Variants in LYPD6 observed in about 807,000 individuals in gnomAD.
LYPD6 encodes ly6/PLAUR domain-containing protein 6.
LYPD6 carries 15 observed loss-of-function variants against 22.7 expected under a neutral mutation model. The observed-to-expected ratio is 0.66, with a 90% CI of 0.44 to 1.02. LYPD6 has a LOEUF of 1.02. LYPD6 is among the 50% of genes least tolerant of loss of function. The probability of loss-of-function intolerance (pLI) is 0.00; values close to 1 mark genes in which losing one functional copy is unlikely to be tolerated. For synonymous variants in LYPD6, 72 were observed against 77.5 expected, an observed-to-expected ratio of 0.93 and a Z score of 0.37; for missense variants, 189 against 208.4, an observed-to-expected ratio of 0.91 and a Z score of 0.57.
intron 1 of LYPD6, among the ~76,000 whole-genome samples, chr2:149,347,861 C>T (rs1372352014): frequency 3.3e-5 from 5 of 151,982 alleles, no homozygotes; most frequent in Admixed American, 6.6e-5. Context: ...TTTGCCAATG[C>T]AAGCATAGCA....
intron 1 of LYPD6, among the ~76,000 whole-genome samples, chr2:149,421,020 T>A (rs901159009): frequency 6.6e-6 from 1 of 152,190 alleles, no homozygotes; most frequent in Non-Finnish European, 1.5e-5. Flanking sequence ...AGAGCCATCA[T>A]GAGGAGTTTT....
chr2:149,356,707 A>G (rs7564977), intron 1 of LYPD6, among the ~76,000 whole-genome samples: 3,317 of 152,242 alleles, frequency 0.022, 98 homozygotes, highest in African/African-American at 0.074. Flanking sequence ...GCAGATGGAA[A>G]GGTTAAATGG....
chr2:149,394,303 A>G (rs1682378459), intron 1 of LYPD6, among the ~76,000 whole-genome samples: 1 of 152,120 alleles, frequency 6.6e-6, no homozygotes. Flanking sequence ...TTTTGGTACA[A>G]GTAGACAGAG....
chr2:149,469,362 C>A (rs1044763637), intron 4 of LYPD6, among the ~76,000 whole-genome samples: 3 of 152,290 alleles, frequency 2.0e-5, no homozygotes, highest in Admixed American at 6.5e-5. Context: ...GCTTGGGAGG[C>A]AGCCTTGAAG....
intron 1 of LYPD6, among the ~76,000 whole-genome samples, chr2:149,346,299 T>A (rs1337703034): frequency 6.6e-6 from 1 of 152,194 alleles, no homozygotes; most frequent in Non-Finnish European, 1.5e-5. Context: ...ACATAAAAGT[T>A]TTTACACAGA....
At chr2:149,368,889 G>A (rs1559127071) in intron 1 of LYPD6, among the ~76,000 whole-genome samples, 1 of 152,180 alleles carries the variant, frequency 6.6e-6, no homozygotes, top group African/African-American at 2.4e-5. Context: ...TGACTTTAGT[G>A]ACTGGGTAGA....
chr2:149,423,921 C>G (rs1310390994), intron 1 of LYPD6, among the ~76,000 whole-genome samples: 4 of 152,108 alleles, frequency 2.6e-5, no homozygotes, highest in Non-Finnish European at 4.4e-5. Context: ...CCCATGGATG[C>G]CTCTGAGTAA....
chr2:149,408,046 C>T (rs535218597), intron 1 of LYPD6, among the ~76,000 whole-genome samples: 35 of 152,268 alleles, frequency 2.3e-4, no homozygotes, highest in African/African-American at 7.0e-4. Context: ...TGCAAAACCG[C>T]GGATTTTCGT....
intron 1 of LYPD6, among the ~76,000 whole-genome samples, chr2:149,421,819 T>C (rs1047468890): frequency 1.2e-4 from 18 of 152,326 alleles, no homozygotes; most frequent in African/African-American, 4.3e-4. Context: ...GGTGAGGTTC[T>C]GTCTGTGAAA....
intron 1 of LYPD6, among the ~76,000 whole-genome samples, chr2:149,383,129 G>A (rs1682105013): frequency 6.6e-6 from 1 of 151,988 alleles, no homozygotes; most frequent in African/African-American, 2.4e-5. Context: ...TCAGTGTTTT[G>A]CAACTATCAC....
chr2:149,422,803 T>G (rs1683109287), intron 1 of LYPD6, among the ~76,000 whole-genome samples: 3 of 152,146 alleles, frequency 2.0e-5, no homozygotes, highest in African/African-American at 7.2e-5. Flanking sequence ...CTACTCTTCC[T>G]CTGTGAGTTC....
intron 1 of LYPD6, among the ~76,000 whole-genome samples, chr2:149,350,708 T>C (rs1472237379): frequency 2.0e-5 from 3 of 152,262 alleles, no homozygotes; most frequent in Admixed American, 2.0e-4. Context: ...GAACGAATTT[T>C]AAGTTGATTT....
At chr2:149,363,268 T>C (rs1286212933) in intron 1 of LYPD6, among the ~76,000 whole-genome samples, 7 of 152,200 alleles carry the variant, frequency 4.6e-5, no homozygotes, top group Non-Finnish European at 7.4e-5. Context: ...TAACATTTAT[T>C]GAACCTTTTG....
intron 4 of LYPD6, among the ~76,000 whole-genome samples, 165 bp from the exon 5 acceptor site, chr2:149,470,518 A>T (rs1186764130): frequency 6.6e-6 from 1 of 152,150 alleles, no homozygotes; most frequent in East Asian, 1.9e-4. Context: ...TGCTTCTAGA[A>T]GAAATATTAT....
intron 2 of LYPD6, among the ~76,000 whole-genome samples, chr2:149,442,965 A>T (rs139076796): frequency 2.0e-5 from 3 of 152,292 alleles, no homozygotes; most frequent in African/African-American, 7.2e-5. Context: ...CTCACCAAAA[A>T]TGAGATAATT....
chr2:149,420,156 A>G (rs888364617), intron 1 of LYPD6, among the ~76,000 whole-genome samples: 3 of 152,228 alleles, frequency 2.0e-5, no homozygotes, highest in African/African-American at 7.2e-5. Context: ...TCTCACAAGC[A>G]TAGTTACTCA....
intron 2 of LYPD6, among the ~76,000 whole-genome samples, chr2:149,438,779 C>T (rs144029646): frequency 6.0e-4 from 92 of 152,346 alleles, no homozygotes; most frequent in Non-Finnish European, 1.2e-3. Flanking sequence ...TCTGCTTGTT[C>T]TGGGTTAGCT....
At chr2:149,403,418 C>G (rs1252949718) in intron 1 of LYPD6, among the ~76,000 whole-genome samples, 2 of 150,248 alleles carry the variant, frequency 1.3e-5, no homozygotes, top group African/African-American at 4.9e-5. Context: ...TTAATGATTG[C>G]CATTCTAACT....
intron 1 of LYPD6, among the ~76,000 whole-genome samples, chr2:149,341,870 G>A (rs1400054269): frequency 6.6e-6 from 1 of 152,176 alleles, no homozygotes; most frequent in Non-Finnish European, 1.5e-5. Context: ...CCTCTTGAAA[G>A]TTCCATCTCT....
Sources: gnomAD v4.1 joint callset for allele counts (sites outside exome capture counted in the v4.1 genomes callset) on GRCh38, gnomAD v4.1.1 for gene constraint, MANE v1.5 for transcripts, NCBI Gene and HGNC (gene_info 2026-07-23, HGNC 2026-07-21) for gene names.